Variants in TMC1 observed in about 807,000 individuals in gnomAD.
TMC1 encodes transmembrane channel-like protein 1.
Under a neutral mutation model 105.8 loss-of-function variants are expected in TMC1, and 84 were observed. The ratio of observed to expected loss-of-function variants is 0.79; its 90% CI spans 0.67 to 0.95. The LOEUF (loss-of-function observed/expected upper bound fraction) is 0.95. Ranked by LOEUF, TMC1 falls within the 40% of genes least tolerant of loss-of-function variation. The pLI, the probability that TMC1 is intolerant of heterozygous loss-of-function variation, is 0.00. For synonymous variants in TMC1, 315 were observed against 311.5 expected (o/e 1.01, Z -0.12); for missense variants, 817 against 914.1 (o/e 0.89, Z 1.37).
chr9:72,710,988 A>C (rs371424094), intron 8 of TMC1, among the ~76,000 whole-genome samples: 3 of 151,476 alleles, frequency 2.0e-5, no homozygotes, highest in African/African-American at 7.3e-5. Flanking sequence ...TCATTGTTCA[A>C]CTCCCACTTA....
chr9:72,685,857 T>C (rs2132181522), intron 5 of TMC1, among the ~76,000 whole-genome samples: 1 of 152,302 alleles, frequency 6.6e-6, no homozygotes, highest in Non-Finnish European at 1.5e-5. Context: ...CTTCAAGAAG[T>C]AAATGTGGGT....
intron 2 of TMC1, among the ~76,000 whole-genome samples, chr9:72,585,916 C>T (rs572344815): frequency 4.1e-4 from 63 of 152,208 alleles, no homozygotes; most frequent in African/African-American, 1.4e-3. Context: ...AGACTTCCTC[C>T]GACCGTGTTG....
At chr9:72,772,320 TA>T in intron 12 of TMC1, 92 bp from the exon 13 acceptor site, 1 of 1,549,816 alleles carries the variant, frequency 6.5e-7, no homozygotes, top group Non-Finnish European at 8.9e-7. Flanking sequence ...GTTTGAAAAT[TA>T]ATGTCATTTT....
intron 3 of TMC1, among the ~76,000 whole-genome samples, chr9:72,617,617 G>T (rs1825156926): frequency 6.6e-6 from 1 of 151,956 alleles, no homozygotes; most frequent in South Asian, 2.1e-4. Flanking sequence ...CATCACACAG[G>T]CATTTATATA....
At chr9:72,619,414 C>T (rs1019564659) in intron 3 of TMC1, among the ~76,000 whole-genome samples, 1 of 152,050 alleles carries the variant, frequency 6.6e-6, no homozygotes, top group African/African-American at 2.4e-5. Context: ...CTGTAAAACA[C>T]ACACAACAAG....
At chr9:72,834,883 A>G (rs1829096842) in intron 23 of TMC1, among the ~76,000 whole-genome samples, 1 of 152,094 alleles carries the variant, frequency 6.6e-6, no homozygotes, top group African/African-American at 2.4e-5. Context: ...CTGCTTCTTA[A>G]CAGCTAAAAC....
chr9:72,815,390 T>C (rs757343405), intron 18 of TMC1, among the ~76,000 whole-genome samples: 3 of 152,294 alleles, frequency 2.0e-5, no homozygotes, highest in South Asian at 2.1e-4. Context: ...CTTCTTAAGC[T>C]TTTTTTATAT....
At chr9:72,635,812 T>A (rs1272419344) in intron 4 of TMC1, among the ~76,000 whole-genome samples, 4 of 152,222 alleles carry the variant, frequency 2.6e-5, no homozygotes, top group Non-Finnish European at 2.9e-5. Flanking sequence ...TAGGCATTTC[T>A]GATATAAACC....
At chr9:72,731,189 AT>A (rs1297550030) in intron 8 of TMC1, among the ~76,000 whole-genome samples, 1 of 152,240 alleles carries the variant, frequency 6.6e-6, no homozygotes, top group Non-Finnish European at 1.5e-5. Flanking sequence ...ATATGTTGAA[AT>A]TCACATCTAT....
chr9:72,686,151 A>G (rs1161213635), intron 5 of TMC1, among the ~76,000 whole-genome samples: 1 of 152,154 alleles, frequency 6.6e-6, no homozygotes, highest in Admixed American at 6.5e-5. Context: ...ACTTCAATGC[A>G]GTTTTGCTTG....
intron 5 of TMC1, among the ~76,000 whole-genome samples, chr9:72,667,616 A>G (rs1053354571): frequency 1.3e-5 from 2 of 152,234 alleles, no homozygotes; most frequent in Non-Finnish European, 2.9e-5. Flanking sequence ...AGTCTGCTTA[A>G]AATTGAGATA....
In TMC1 at chr9:72,694,712, A is replaced by T; in HGVS notation, c.234A>T (p.Gly78=). The T allele has an allele frequency of 6.2e-7, 1 of 1,605,922 alleles. No individual in the cohort carries two copies. The highest frequency in any genetic ancestry group is 8.5e-7 in the Non-Finnish European group (1 of 1,175,662). ...EKERRRRLKR[G]AEEEEIDEEE... ...AGAGGAGGAGGAGGCTAAAGAGAGG[A>T]GCGTAAGTTAGTTCTGATATTCTTT... Residue 78 remains glycine (G), a splice_region_variant and synonymous_variant, in exon 7 of 24, where the codon GGA becomes GGT. Coordinates refer to ENST00000297784, the MANE Select transcript of TMC1 (RefSeq NM_138691.3).
intron 1 of TMC1, among the ~76,000 whole-genome samples, chr9:72,549,974 C>T (rs985783206): frequency 6.6e-6 from 1 of 151,652 alleles, no homozygotes; most frequent in Non-Finnish European, 1.5e-5. Context: ...TCTCGAGCTC[C>T]GGACCTCAGG....
chr9:72,642,337 C>T (rs985445741), intron 4 of TMC1, among the ~76,000 whole-genome samples: 1 of 152,194 alleles, frequency 6.6e-6, no homozygotes, highest in African/African-American at 2.4e-5. Flanking sequence ...TCATCACACA[C>T]TTCCTGTTTC....
intron 8 of TMC1, among the ~76,000 whole-genome samples, chr9:72,720,800 A>C (rs187524904): frequency 1.2e-3 from 187 of 152,214 alleles, no homozygotes; most frequent in African/African-American, 4.3e-3. Flanking sequence ...TCTAACTGTA[A>C]TGTTCTTGTT....
chr9:72,603,686 A>G (rs1460817906), intron 2 of TMC1, among the ~76,000 whole-genome samples: 1 of 151,684 alleles, frequency 6.6e-6, no homozygotes, highest in African/African-American at 2.4e-5. Context: ...AGTAGCTGGG[A>G]TTACAGGCCC....
chr9:72,618,583 T>C (rs531866757), intron 3 of TMC1, among the ~76,000 whole-genome samples: 1 of 152,232 alleles, frequency 6.6e-6, no homozygotes, highest in East Asian at 1.9e-4. Flanking sequence ...ATAAGCAAGA[T>C]ATAAATAAAG....
At chr9:72,537,018 A>C (rs1233612675) in intron 1 of TMC1, among the ~76,000 whole-genome samples, 1 of 152,186 alleles carries the variant, frequency 6.6e-6, no homozygotes, top group South Asian at 2.1e-4. Context: ...TTCTTGCATT[A>C]TGGGCACCTG....
chr9:72,788,515 T>C, intron 14 of TMC1, 32 bp downstream of exon 14: 1 of 1,612,616 alleles, frequency 6.2e-7, no homozygotes, highest in Non-Finnish European at 8.5e-7. Context: ...ACCTGCTGTT[T>C]GTATTTCTAA....
Sources: allele counts gnomAD v4.1 joint callset (sites outside exome capture counted in the v4.1 genomes callset), GRCh38; gene constraint gnomAD v4.1.1; transcripts MANE v1.5; gene names NCBI Gene and HGNC (gene_info 2026-07-23, HGNC 2026-07-21).